The following FERMT1 variants were observed in gnomAD, a reference collection of about 807,000 sequenced individuals.
The protein encoded by FERMT1 is FERM domain containing kindlin 1, also known as fermitin family homolog 1.
Under a neutral mutation model 85.3 loss-of-function variants are expected in FERMT1, and 60 were observed. That is an observed-to-expected ratio of 0.70 (90% CI 0.57 to 0.87). The LOEUF (loss-of-function observed/expected upper bound fraction) is 0.87, where lower values mean the gene tolerates loss of function less well. FERMT1 is among the 40% of genes least tolerant of loss of function. The pLI, the probability that FERMT1 is intolerant of heterozygous loss-of-function variation, is 0.00. For missense variants in FERMT1, 701 were observed against 818.9 expected (o/e 0.86, Z 1.76); for synonymous variants, 275 against 301.1 (o/e 0.91, Z 0.90).
At position 6,076,167 on chromosome 20, in the gene FERMT1, A is replaced by G; in HGVS notation, c.*1006T>C. Reference sequence around the variant, plus strand: ...AGAGGGACGCTTCCCCATGACCCAGACCAGCCTAAAGCCCCTGTGGGGGCA... The same window carrying G: ...AGAGGGACGCTTCCCCATGACCCAGGCCAGCCTAAAGCCCCTGTGGGGGCA... On this transcript the variant is annotated 3_prime_UTR_variant, in exon 15 of 15. Coordinates refer to ENST00000217289, the MANE Select transcript of FERMT1 (RefSeq NM_017671.5). 3.7e-6 allele frequency: 1 copy of G among 271,590 alleles called. No individual in the cohort carries two copies. Among genetic ancestry groups the G allele is most frequent in the Non-Finnish European group, 7.3e-6 (1 of 136,118 alleles). The allele number at this position is 271,590 out of a possible 1,614,324, so 16.8% of individuals were successfully genotyped here. A position where few individuals can be genotyped will look rare whatever the true frequency, so the allele number is the denominator to read the frequency against.
intron 4 of FERMT1, 73 bp downstream of exon 4, chr20:6,112,404 G>A: frequency 7.1e-7 from 1 of 1,401,418 alleles, no homozygotes; most frequent in South Asian, 1.2e-5. Context: ...TGGTGGGGGT[G>A]GGAGGAGAGA....
intron 11 of FERMT1, among the ~76,000 whole-genome samples, chr20:6,086,666 C>T (rs373241151): frequency 1.4e-4 from 21 of 152,240 alleles, no homozygotes; most frequent in South Asian, 8.3e-4. Flanking sequence ...ATATACCTCT[C>T]GCTGTTCTTG....
At position 6,075,875 on chromosome 20, in the gene FERMT1, C is replaced by T. The variant is rs1203672713; in HGVS notation, c.*1298G>A. The stretch of plus-strand genomic sequence containing the variant: ...ATATTTCCCTTTACTTCTGGTATTG[C>T]TTTTGACCTTCTCAAAACCCACCCC... On this transcript the variant is annotated 3_prime_UTR_variant, in exon 15 of 15. Coordinates refer to ENST00000217289, the MANE Select transcript of FERMT1 (RefSeq NM_017671.5). 1 of 152,342 alleles carries T rather than the reference C, an allele frequency of 6.6e-6. No individual in the cohort carries two copies. Among genetic ancestry groups the T allele is most frequent in the Non-Finnish European group, 1.5e-5 (1 of 68,064 alleles). 9.4% of individuals were successfully genotyped at this position (152,342 alleles called of 1,614,324 possible). A position where few individuals can be genotyped will look rare whatever the true frequency, so the allele number is the denominator to read the frequency against.
chr20:6,115,135 T>C (rs569728919), intron 3 of FERMT1, among the ~76,000 whole-genome samples: 1 of 152,342 alleles, frequency 6.6e-6, no homozygotes, highest in Non-Finnish European at 1.5e-5. Context: ...CAAATGTTGA[T>C]TTTTGGTTTT....
chr20:6,078,854 G>A (rs1297664925), intron 14 of FERMT1, among the ~76,000 whole-genome samples: 1 of 152,138 alleles, frequency 6.6e-6, no homozygotes, highest in Non-Finnish European at 1.5e-5. Flanking sequence ...TAGCTCCTAG[G>A]ATGGGAGATG....
Position 6,075,659 on chromosome 20 carries a change from C to T in FERMT1, c.*1514G>A, listed in dbSNP as rs562999534. 9.2e-5 allele frequency: 14 copies of T among 152,396 alleles called. No individual in the cohort carries two copies. Among genetic ancestry groups the T allele is most frequent in the African/African-American group, 3.4e-4 (14 of 41,544 alleles). 9.4% of individuals were successfully genotyped at this position (152,396 alleles called of 1,614,324 possible). On this transcript the variant is annotated 3_prime_UTR_variant, in exon 15 of 15. Transcript: ENST00000217289. Reference sequence around the variant, plus strand: ...GTGGCTCCCGGAATTGCTGAGGTCTCACTTCTCAGAGGGCTTTGATGGAAA... The same window carrying T: ...GTGGCTCCCGGAATTGCTGAGGTCTTACTTCTCAGAGGGCTTTGATGGAAA...
chr20:6,095,339 G>A (rs78566304), intron 8 of FERMT1, among the ~76,000 whole-genome samples: 2,881 of 152,046 alleles, frequency 0.019, 99 homozygotes, highest in East Asian at 0.11. Context: ...TGTTTGTGTC[G>A]TAGATTACAA....
intron 6 of FERMT1, among the ~76,000 whole-genome samples, chr20:6,098,335 A>C (rs897829617): frequency 1.3e-5 from 2 of 152,202 alleles, no homozygotes; most frequent in African/African-American, 4.8e-5. Context: ...GATTTTTTAA[A>C]TGAAACTTTA....
intron 7 of FERMT1, 142 bp from the exon 8 acceptor site, chr20:6,097,175 G>A: frequency 2.3e-6 from 2 of 875,188 alleles, no homozygotes; most frequent in Non-Finnish European, 3.7e-6. Flanking sequence ...TTCCCGTGTG[G>A]GGAAAATGAC....
intron 6 of FERMT1, among the ~76,000 whole-genome samples, chr20:6,105,300 G>A (rs80348494): frequency 0.053 from 8,010 of 152,256 alleles, 310 homozygotes; most frequent in Middle Eastern, 0.16. Context: ...TCTCAGAGCA[G>A]GGTTCTGATT....
In FERMT1 at chr20:6,097,650, G is replaced by GT. The variant is rs766888293; in HGVS notation, c.850-20dup. The stretch of plus-strand genomic sequence containing the variant: ...CATCATACTAGAGACAAAAACAGAG[G>GT]TGTGTGTGTAATGAGGTATATTTAT... On this transcript the variant is annotated intron_variant, in intron 6 of 14. Transcript: ENST00000217289. 4.0e-6 allele frequency: 6 copies of GT among 1,506,386 alleles called. No individual in the cohort carries two copies. In the South Asian group the frequency reaches 5.6e-5, roughly 14 times the overall value. 93.3% of individuals were successfully genotyped at this position (1,506,386 alleles called of 1,614,324 possible).
At chr20:6,110,601 G>T in intron 4 of FERMT1, 90 bp from the exon 5 acceptor site, 1 of 1,074,676 alleles carries the variant, frequency 9.3e-7, no homozygotes. Flanking sequence ...ACTAAAATGA[G>T]TTTTGACTTT....
chr20:6,083,533 TGAAA>T (rs1406458704), intron 13 of FERMT1, among the ~76,000 whole-genome samples: 1 of 151,102 alleles, frequency 6.6e-6, no homozygotes. Flanking sequence ...GAAGCTGACA[TGAAA>T]GAAAGTCGTA....
chr20:6,091,177 A>AC (rs1982349346), intron 9 of FERMT1, among the ~76,000 whole-genome samples: 1 of 151,972 alleles, frequency 6.6e-6, no homozygotes, highest in African/African-American at 2.4e-5. Flanking sequence ...AAACAAACAA[A>AC]AACCAAAAAA....
Position 6,076,980 on chromosome 20 carries a change from G to A in FERMT1, c.*193C>T, listed in dbSNP as rs16991740. The A allele has an allele frequency of 0.035, 21,902 of 621,818 alleles. 511 individuals are homozygous for A. Among genetic ancestry groups the A allele is most frequent in the South Asian group, 0.062 (3,235 of 52,376 alleles). 38.5% of individuals were successfully genotyped at this position (621,818 alleles called of 1,614,324 possible). ...AGAAAAAACAAGAGAGGCTCCTTCC[G>A]TGGCTGGTAGCACAGGGCAAAGTAA... On this transcript the variant is annotated 3_prime_UTR_variant, in exon 15 of 15. Coordinates refer to ENST00000217289, the MANE Select transcript of FERMT1 (RefSeq NM_017671.5).
intron 10 of FERMT1, 38 bp downstream of exon 10, chr20:6,088,927 C>T (rs1982267182): frequency 2.5e-6 from 4 of 1,598,886 alleles, no homozygotes; most frequent in Non-Finnish European, 3.4e-6. Flanking sequence ...TCTGCCCTGA[C>T]TTACGATGAG....
chr20:6,110,298 C>T lies in FERMT1; in HGVS notation c.746G>A (p.Gly249Asp). The T allele has an allele frequency of 1.2e-6, 2 of 1,610,774 alleles. No homozygotes were observed. Among genetic ancestry groups the T allele is most frequent in the South Asian group, 1.1e-5 (1 of 90,952 alleles). ...SLVDKAKLNAGWLDSSRSLME... is the reference protein window; with the variant it reads ...SLVDKAKLNADWLDSSRSLME... The stretch of plus-strand genomic sequence containing the variant: ...GAAGTAAAAGGAGCCGTGTCCTTAC[C>T]CTGCATTGAGCTTGGCTTTATCAAC... The change falls in exon 5 of 15, where the codon GGT becomes GAT. Residue 249 changes from glycine to aspartate, a missense_variant and splice_region_variant. By Grantham distance (94) the Gly-to-Asp change is moderately conservative. Coordinates refer to ENST00000217289, the MANE Select transcript of FERMT1 (RefSeq NM_017671.5).
Position 6,107,527 on chromosome 20 carries a change from C to CT in FERMT1, c.849+4dup. On this transcript the variant is annotated splice_donor_region_variant and intron_variant, in intron 6 of 14. Transcript: ENST00000217289. Reference sequence around the variant, plus strand: ...GAGAAAGACAAAAGAGAAAAAGTTGCTTACTTTAGGATTCAAGTCGAAGAA... The same window carrying CT: ...GAGAAAGACAAAAGAGAAAAAGTTGCTTTACTTTAGGATTCAAGTCGAAGAA... 6.3e-7 allele frequency: 1 copy of CT among 1,576,938 alleles called. No individual in the cohort carries two copies. The highest frequency in any genetic ancestry group is 8.7e-7 in the Non-Finnish European group (1 of 1,147,602).
At chr20:6,083,670 C>CA (rs1490368117) in intron 13 of FERMT1, among the ~76,000 whole-genome samples, 2 of 144,882 alleles carry the variant, frequency 1.4e-5, no homozygotes, top group Non-Finnish European at 3.0e-5. Context: ...CCCCCCCGGC[C>CA]ACCCTCCCCA....
Sources: gnomAD v4.1 joint callset for allele counts (sites outside exome capture counted in the v4.1 genomes callset) on GRCh38, gnomAD v4.1.1 for gene constraint, MANE v1.5 for transcripts, NCBI Gene and HGNC (gene_info 2026-07-23, HGNC 2026-07-21) for gene names.